Variants in PDE4D observed in about 807,000 individuals in gnomAD.
PDE4D encodes 3',5'-cyclic-AMP phosphodiesterase 4D.
A neutral mutation model predicts 87.4 loss-of-function variants in PDE4D; 24 were observed. That is an observed-to-expected ratio of 0.27 (90% CI 0.20 to 0.39). The LOEUF is 0.39. Ranked by LOEUF, PDE4D falls within the 10% of genes least tolerant of loss-of-function variation. PDE4D has a pLI of 1.00. For missense variants in PDE4D, 714 were observed against 1,041.0 expected, an observed-to-expected ratio of 0.69 and a Z score of 4.32; for synonymous variants, 384 against 383.2, an observed-to-expected ratio of 1.00 and a Z score of -0.02.
chr5:60,130,498 C>T (rs1779471001), intron 2 of PDE4D, among the ~76,000 whole-genome samples: 1 of 152,178 alleles, frequency 6.6e-6, no homozygotes, highest in South Asian at 2.1e-4. Flanking sequence ...ATTTCTAAGA[C>T]AGGGCTATGT....
chr5:59,445,665 T>C (rs16889853), intron 1 of PDE4D, among the ~76,000 whole-genome samples: 45,447 of 152,140 alleles, frequency 0.3, 11,857 homozygotes, highest in African/African-American at 0.71. Flanking sequence ...TAAGCATAGT[T>C]TAAATCCAGT....
intron 1 of PDE4D, among the ~76,000 whole-genome samples, chr5:59,391,092 C>G (rs375238621): frequency 6.6e-6 from 1 of 152,238 alleles, no homozygotes; most frequent in African/African-American, 2.4e-5. Context: ...GAGAGGAAAT[C>G]AGAGTTAAGG....
At chr5:59,581,455 T>C (rs1824139387) in intron 1 of PDE4D, among the ~76,000 whole-genome samples, 1 of 152,200 alleles carries the variant, frequency 6.6e-6, no homozygotes, top group South Asian at 2.1e-4. Context: ...TAAAACATCA[T>C]ACATTGTTAG....
intron 1 of PDE4D, among the ~76,000 whole-genome samples, chr5:60,216,146 T>C (rs1743829065): frequency 6.6e-6 from 1 of 152,082 alleles, no homozygotes; most frequent in Admixed American, 6.5e-5. Flanking sequence ...CGCTTTATTC[T>C]GATGGATGTA....
At chr5:60,139,433 C>T (rs1780328614) in intron 2 of PDE4D, among the ~76,000 whole-genome samples, 2 of 151,938 alleles carry the variant, frequency 1.3e-5, no homozygotes, top group South Asian at 4.1e-4. Flanking sequence ...CAATGAAAAT[C>T]CCTTAAAACT....
chr5:58,980,788 G>A (rs1345819674), intron 11 of PDE4D, among the ~76,000 whole-genome samples: 1 of 152,082 alleles, frequency 6.6e-6, no homozygotes, highest in Non-Finnish European at 1.5e-5. Context: ...CAGAGAAATA[G>A]AATAGACATA....
chr5:60,482,698 A>G (rs1175034487), intron 1 of PDE4D, among the ~76,000 whole-genome samples: 2 of 152,216 alleles, frequency 1.3e-5, no homozygotes, highest in East Asian at 1.9e-4. Flanking sequence ...TTCAGATTTT[A>G]TATGTTATGG....
At chr5:59,436,271 A>G (rs1796787993) in intron 1 of PDE4D, among the ~76,000 whole-genome samples, 1 of 152,190 alleles carries the variant, frequency 6.6e-6, no homozygotes, top group Admixed American at 6.5e-5. Flanking sequence ...AGGTCATCAC[A>G]GTGTCTTACA....
intron 2 of PDE4D, among the ~76,000 whole-genome samples, chr5:60,143,639 G>A (rs937364796): frequency 1.4e-5 from 2 of 141,566 alleles, no homozygotes; most frequent in African/African-American, 5.5e-5. Flanking sequence ...GTGTGTGTGT[G>A]TGTGTGTGTG....
chr5:60,003,725 A>AAG (rs1419879144), intron 2 of PDE4D, among the ~76,000 whole-genome samples: 24 of 150,440 alleles, frequency 1.6e-4, no homozygotes, highest in Non-Finnish European at 2.4e-4. Flanking sequence ...AAAAAAAAAA[A>AAG]AAGAAGAAGA....
intron 3 of PDE4D, among the ~76,000 whole-genome samples, chr5:59,959,123 C>CACAT (rs1581914418): frequency 1.3e-5 from 2 of 151,610 alleles, no homozygotes; most frequent in East Asian, 3.9e-4. Flanking sequence ...TGCACACACA[C>CACAT]ACACACACAA....
intron 1 of PDE4D, among the ~76,000 whole-genome samples, chr5:59,404,378 G>C (rs62357475): frequency 6.6e-6 from 1 of 152,138 alleles, no homozygotes; most frequent in African/African-American, 2.4e-5. Flanking sequence ...CTTTGCTCAG[G>C]CCAGGCGCAG....
intron 1 of PDE4D, among the ~76,000 whole-genome samples, chr5:59,700,551 A>G (rs1408395280): frequency 6.6e-6 from 1 of 152,200 alleles, no homozygotes; most frequent in Non-Finnish European, 1.5e-5. Flanking sequence ...AAGAAGGAGA[A>G]TAAGTGTATA....
intron 1 of PDE4D, among the ~76,000 whole-genome samples, chr5:59,506,448 A>G (rs1334225184): frequency 6.6e-6 from 1 of 152,170 alleles, no homozygotes; most frequent in Non-Finnish European, 1.5e-5. Context: ...AATTATGCAT[A>G]ATCAACAGGT....
chr5:59,218,009 A>G (rs1751647509), intron 1 of PDE4D: 1 of 488,930 alleles, frequency 2.0e-6, no homozygotes, highest in Admixed American at 2.1e-5. Flanking sequence ...GATATCTGAG[A>G]AGTTTTCATG....
intron 1 of PDE4D, among the ~76,000 whole-genome samples, chr5:59,510,273 G>T (rs1810067563): frequency 6.6e-6 from 1 of 150,900 alleles, no homozygotes; most frequent in Non-Finnish European, 1.5e-5. Flanking sequence ...AGAAATAAAG[G>T]CTAAAACTCA....
intron 1 of PDE4D, among the ~76,000 whole-genome samples, chr5:60,275,443 T>C (rs74530986): frequency 0.028 from 4,209 of 152,196 alleles, 174 homozygotes; most frequent in African/African-American, 0.096. Context: ...TCCAGAGATA[T>C]GTTTGGTTAT....
At chr5:60,283,479 G>A (rs1752133168) in intron 1 of PDE4D, among the ~76,000 whole-genome samples, 1 of 152,098 alleles carries the variant, frequency 6.6e-6, no homozygotes, top group Non-Finnish European at 1.5e-5. Context: ...ATGAAATTTT[G>A]TGAGAGGTAC....
chr5:59,601,865 A>G (rs1827557645), intron 1 of PDE4D, among the ~76,000 whole-genome samples: 1 of 152,074 alleles, frequency 6.6e-6, no homozygotes, highest in South Asian at 2.1e-4. Flanking sequence ...ACTAATATCA[A>G]TTTTCCTCAA....
Sources: gnomAD v4.1 joint callset for allele counts (sites outside exome capture counted in the v4.1 genomes callset) on GRCh38, gnomAD v4.1.1 for gene constraint, MANE v1.5 for transcripts, NCBI Gene and HGNC (gene_info 2026-07-23, HGNC 2026-07-21) for gene names.